INO80: variants seen among roughly 807,000 people sequenced by gnomAD.
INO80 encodes INO80 complex ATPase subunit.
A neutral mutation model predicts 203.4 loss-of-function variants in INO80; 20 were observed. The ratio of observed to expected loss-of-function variants is 0.10; its 90% CI spans 0.07 to 0.14. INO80 has a LOEUF of 0.14. Among genes scored for constraint, INO80 ranks in the 10% least tolerant of loss-of-function variants. INO80 has a pLI of 1.00. For synonymous variants in INO80, 726 were observed against 685.2 expected, an observed-to-expected ratio of 1.06 and a Z score of -0.93; for missense variants, 1,419 against 1,914.4, an observed-to-expected ratio of 0.74 and a Z score of 4.83.
In INO80 at chr15:41,052,708, GA is replaced by G. The variant is rs1386420025; in HGVS notation, c.2274+1220del. ...AAAAAAAAAAAAAAAAATACAAGGGGAAAAAACGGAGGGAGAGATTAAAAGA... is the reference window on the plus strand; with the variant it reads ...AAAAAAAAAAAAAAAAATACAAGGGGAAAAACGGAGGGAGAGATTAAAAGA... On this transcript the variant is annotated intron_variant, in intron 19 of 35. Coordinates refer to ENST00000648947, the MANE Select transcript of INO80 (RefSeq NM_017553.3). Among the ~76,000 whole-genome samples, 6 of 150,118 alleles carry G rather than the reference GA, an allele frequency of 4.0e-5. No individual in the cohort carries two copies. The East Asian group carries it at 9.8e-4, about 24-fold the overall frequency.
At chr15:41,099,259 A>C (rs2045770476) in intron 1 of INO80, among the ~76,000 whole-genome samples, 4 of 132,858 alleles carry the variant, frequency 3.0e-5, no homozygotes, top group South Asian at 2.5e-4. Context: ...AAAAAAAAAA[A>C]AAAAAAAACA....
intron 1 of INO80, among the ~76,000 whole-genome samples, chr15:41,099,398 A>G (rs1359457346): frequency 6.6e-6 from 1 of 152,030 alleles, no homozygotes; most frequent in Non-Finnish European, 1.5e-5. Flanking sequence ...TATATTCAAA[A>G]TATACTGAAC....
chr15:41,097,255 AG>A (rs1164177242), intron 1 of INO80, among the ~76,000 whole-genome samples: 1 of 151,844 alleles, frequency 6.6e-6, no homozygotes, highest in Admixed American at 6.6e-5. Context: ...CATGTTGGTC[AG>A]GCTGGTCTTG....
At chr15:41,102,417 T>C (rs1473499765) in intron 1 of INO80, among the ~76,000 whole-genome samples, 2 of 151,930 alleles carry the variant, frequency 1.3e-5, no homozygotes, top group African/African-American at 4.8e-5. Context: ...CCTGTAATCC[T>C]AGCACTTTGG....
intron 12 of INO80, 55 bp downstream of exon 12, chr15:41,071,794 A>C: frequency 1.4e-6 from 2 of 1,466,758 alleles, no homozygotes; most frequent in Non-Finnish European, 1.9e-6. Flanking sequence ...CACATTGAAC[A>C]AATGACTTTA....
chr15:41,021,840 G>A (rs2044299583), intron 25 of INO80, among the ~76,000 whole-genome samples: 1 of 152,218 alleles, frequency 6.6e-6, no homozygotes, highest in Non-Finnish European at 1.5e-5. Flanking sequence ...CTGCTCACTC[G>A]ATGGAGTAGA....
chr15:41,053,888 T>C, intron 19 of INO80, 41 bp downstream of exon 19: 4 of 1,430,134 alleles, frequency 2.8e-6, no homozygotes, highest in Non-Finnish European at 3.9e-6. Flanking sequence ...CTTAAGTTGG[T>C]GCCTATTGAG....
intron 9 of INO80, among the ~76,000 whole-genome samples, chr15:41,079,083 G>A (rs749724028): frequency 2.0e-5 from 3 of 152,152 alleles, no homozygotes; most frequent in African/African-American, 7.2e-5. Flanking sequence ...AGGTTGCAGA[G>A]CCGAGATTAC....
chr15:41,114,585 T>G (rs988304623), intron 1 of INO80, among the ~76,000 whole-genome samples: 1 of 151,886 alleles, frequency 6.6e-6, no homozygotes, highest in African/African-American at 2.4e-5. Context: ...GGCAGCCGCC[T>G]GTAATCCCAG....
intron 5 of INO80, among the ~76,000 whole-genome samples, chr15:41,088,278 C>T (rs2045590075): frequency 6.6e-6 from 1 of 151,750 alleles, no homozygotes; most frequent in Non-Finnish European, 1.5e-5. Context: ...TTAGTAGACA[C>T]GAGGTTTCAC....
chr15:41,092,266 C>A, intron 4 of INO80, 84 bp from the exon 5 acceptor site: 2 of 1,151,966 alleles, frequency 1.7e-6, no homozygotes, highest in Admixed American at 2.4e-5. Flanking sequence ...AGATCCAAAA[C>A]AATGACAAAA....
intron 1 of INO80, among the ~76,000 whole-genome samples, chr15:41,104,867 A>G (rs906761559): frequency 6.6e-6 from 1 of 152,112 alleles, no homozygotes; most frequent in Admixed American, 6.6e-5. Flanking sequence ...ATTGTACAGA[A>G]TTATGTATTC....
chr15:41,060,720 A>C (rs2045089164), intron 14 of INO80, among the ~76,000 whole-genome samples: 1 of 152,128 alleles, frequency 6.6e-6, no homozygotes, highest in African/African-American at 2.4e-5. Context: ...ACTTCCCTGA[A>C]TAGGTACCGA....
chr15:40,985,460 A>G (rs1217670152), intron 31 of INO80, 34 bp from the exon 32 acceptor site: 1 of 1,436,416 alleles, frequency 7.0e-7, no homozygotes, highest in South Asian at 1.1e-5. Context: ...CTGATGAAGT[A>G]CCTGTGGTAA....
At chr15:40,984,731 T>C (rs1893956724) in intron 32 of INO80, among the ~76,000 whole-genome samples, 1 of 152,060 alleles carries the variant, frequency 6.6e-6, no homozygotes, top group African/African-American at 2.4e-5. Context: ...CTGATCCTAA[T>C]GGGCCGAAGA....
At chr15:41,112,472 T>TA (rs2045971006) in intron 1 of INO80, among the ~76,000 whole-genome samples, 1 of 152,186 alleles carries the variant, frequency 6.6e-6, no homozygotes, top group African/African-American at 2.4e-5. Context: ...AAGATTTTGA[T>TA]ACGTTAGATC....
intron 16 of INO80, among the ~76,000 whole-genome samples, chr15:41,057,344 T>C (rs1017052527): frequency 5.3e-5 from 8 of 151,522 alleles, no homozygotes; most frequent in African/African-American, 1.9e-4. Context: ...TAGTCCCAGC[T>C]CTGAGACTGA....
chr15:41,074,311 A>T, intron 10 of INO80, 59 bp downstream of exon 10: 1 of 1,312,532 alleles, frequency 7.6e-7, no homozygotes, highest in African/African-American at 1.5e-5. Context: ...TAATGTATAT[A>T]ACCTTTAGAT....
At position 40,979,848 on chromosome 15, in the gene INO80, G is replaced by A; in HGVS notation, c.*375C>T. The A allele has an allele frequency of 3.7e-6, 1 of 266,710 alleles. No homozygotes were observed. The highest frequency in any genetic ancestry group is 7.4e-6 in the Non-Finnish European group (1 of 136,032). The allele number at this position is 266,710 out of a possible 1,614,324, so 16.5% of individuals were successfully genotyped here. ...CCATGGAAGGCTCTTCACAGCACCT[G>A]CGGAGACTTTGCAAGGGACGTGTCA... On this transcript the variant is annotated 3_prime_UTR_variant, in exon 36 of 36. Coordinates refer to ENST00000648947, the MANE Select transcript of INO80 (RefSeq NM_017553.3).
Sources: gnomAD v4.1 joint callset for allele counts (sites outside exome capture counted in the v4.1 genomes callset) on GRCh38, gnomAD v4.1.1 for gene constraint, MANE v1.5 for transcripts, NCBI Gene and HGNC (gene_info 2026-07-23, HGNC 2026-07-21) for gene names.